Variants in SGSM2 observed in about 807,000 individuals in gnomAD.
The protein encoded by SGSM2 is small G protein signaling modulator 2.
SGSM2 carries 89 observed loss-of-function variants against 126.6 expected under a neutral mutation model. That is an observed-to-expected ratio of 0.70 (90% CI 0.59 to 0.84). The LOEUF is 0.84. SGSM2 is among the 40% of genes least tolerant of loss of function. SGSM2 has a pLI of 0.00. For synonymous variants in SGSM2, 614 were observed against 574.3 expected, an observed-to-expected ratio of 1.07 and a Z score of -0.99; for missense variants, 1,404 against 1,416.6, an observed-to-expected ratio of 0.99 and a Z score of 0.14.
At chr17:2,361,845 A>C in intron 3 of SGSM2, 46 bp downstream of exon 3, 1 of 1,546,028 alleles carries the variant, frequency 6.5e-7, no homozygotes, top group Non-Finnish European at 8.7e-7. Context: ...AGCTCTTCCC[A>C]CTTGGCAATT....
At chr17:2,340,398 G>A (rs181161322) in intron 1 of SGSM2, among the ~76,000 whole-genome samples, 51 of 152,014 alleles carry the variant, frequency 3.4e-4, no homozygotes, top group African/African-American at 1.1e-3. Context: ...CACTGCGACC[G>A]CCAGGAAATA....
chr17:2,377,102 A>G, intron 21 of SGSM2, 34 bp downstream of exon 21: 1 of 1,419,774 alleles, frequency 7.0e-7, no homozygotes, highest in Non-Finnish European at 9.9e-7. Flanking sequence ...GCATGGGAGC[A>G]GGCAGTGCTG....
At chr17:2,349,010 C>T (rs1451936018) in intron 2 of SGSM2, among the ~76,000 whole-genome samples, 8 of 151,928 alleles carry the variant, frequency 5.3e-5, no homozygotes, top group East Asian at 2.0e-4. Context: ...GTGATCTACC[C>T]GCCTCGGCCT....
rs1321520320 is a variant in SGSM2, at chr17:2,380,249, TTGCGTTC to T, written c.*733_*739del. Reference sequence around the variant, plus strand: ...CAGCCTCGCTCCTGCCACCCCACCCTTGCGTTCTGCATTAGGTACTTCCCTGAAAACC... The same window carrying T: ...CAGCCTCGCTCCTGCCACCCCACCCTTGCATTAGGTACTTCCCTGAAAACC... On this transcript the variant is annotated 3_prime_UTR_variant, in exon 24 of 24. Coordinates refer to ENST00000268989, the MANE Select transcript of SGSM2 (RefSeq NM_014853.3). 2.0e-6 allele frequency: 3 copies of T among 1,535,788 alleles called. No homozygotes were observed. The Admixed American group carries it at 5.9e-5, about 30-fold the overall frequency.
At chr17:2,350,295 G>A (rs1567807713) in intron 2 of SGSM2, among the ~76,000 whole-genome samples, 1 of 151,854 alleles carries the variant, frequency 6.6e-6, no homozygotes, top group Non-Finnish European at 1.5e-5. Context: ...AGAGAAGTTT[G>A]CTGGAGGAGC....
At chr17:2,369,574 T>C (rs2065765976) in intron 12 of SGSM2, among the ~76,000 whole-genome samples, 2 of 152,186 alleles carry the variant, frequency 1.3e-5, no homozygotes, top group African/African-American at 2.4e-5. Flanking sequence ...AGTGTTCGAA[T>C]GTGGCTGGTT....
intron 11 of SGSM2, chr17:2,366,872 G>C (rs756279207): frequency 1.2e-5 from 2 of 168,782 alleles, no homozygotes; most frequent in African/African-American, 2.4e-5. Flanking sequence ...GTAATCTTCA[G>C]ATTTGGTCCA....
intron 2 of SGSM2, among the ~76,000 whole-genome samples, chr17:2,359,788 A>ACC (rs1233136168): frequency 5.3e-5 from 8 of 152,114 alleles, no homozygotes; most frequent in African/African-American, 1.9e-4. Flanking sequence ...CCACTGAGGC[A>ACC]TGTGATCCGT....
Position 2,376,253 on chromosome 17 carries a change from CAT to C in SGSM2, c.2602_2603del (p.Met868ValfsTer30). The C allele has an allele frequency of 6.2e-7, 1 of 1,613,198 alleles. No individual in the cohort carries two copies. ...PPNLERLRDV[M>X]CSYVWEHLDV... ...CCAACCTCGAGAGGCTCAGAGACGTCATGTGCAGGTGCCTTGTGGGGCGGGGC... is the reference window on the plus strand; with the variant it reads ...CCAACCTCGAGAGGCTCAGAGACGTCGTGCAGGTGCCTTGTGGGGCGGGGC... On this transcript the variant is annotated frameshift_variant, in exon 19 of 24. Transcript: ENST00000268989. LOFTEE classifies it high-confidence loss of function.
chr17:2,361,537 C>T, intron 2 of SGSM2, 100 bp from the exon 3 acceptor site: 3 of 1,459,480 alleles, frequency 2.1e-6, no homozygotes, highest in Non-Finnish European at 2.8e-6. Context: ...CCTTGGCTTG[C>T]CCTTACCCCT....
intron 19 of SGSM2, 37 bp downstream of exon 19, chr17:2,376,298 A>T (rs200952978): frequency 6.3e-7 from 1 of 1,579,224 alleles, no homozygotes; most frequent in Admixed American, 1.8e-5. Flanking sequence ...GGGAGGCGGG[A>T]CCCTGCCGCC....
Position 2,378,995 on chromosome 17 carries a change from G to T in SGSM2, c.2900-41G>T, listed in dbSNP as rs201585190. On this transcript the variant is annotated intron_variant, in intron 22 of 23. Transcript: ENST00000268989. ...CAATCCCAGCCTCAGCCCCAGATAT[G>T]CGGCTAGGACGGGTGAGCAGCAGCC... is the stretch of plus-strand genomic sequence containing the variant. The T allele has an allele frequency of 7.3e-5, 116 of 1,588,116 alleles. No individual in the cohort carries two copies. The African/African-American group carries it at 1.3e-3, about 18-fold the overall frequency.
At position 2,379,551 on chromosome 17, in the gene SGSM2, G is replaced by A. The variant is rs1333690199; in HGVS notation, c.*31G>A. 1 of 1,599,128 alleles carries A rather than the reference G, an allele frequency of 6.3e-7. No individual in the cohort carries two copies. The highest frequency in any genetic ancestry group is 1.7e-5 in the Admixed American group (1 of 59,538). On this transcript the variant is annotated 3_prime_UTR_variant, in exon 24 of 24. Transcript: ENST00000268989. ...GGCCAGGAGGCAGCAGCCGTGCAGAGCCTGGGCTCCGGCAGGGAGAGGTGC... is the reference window on the plus strand; with the variant it reads ...GGCCAGGAGGCAGCAGCCGTGCAGAACCTGGGCTCCGGCAGGGAGAGGTGC...
At chr17:2,340,275 C>T (rs899837484) in intron 1 of SGSM2, among the ~76,000 whole-genome samples, 15 of 152,014 alleles carry the variant, frequency 9.9e-5, no homozygotes, top group African/African-American at 3.6e-4. Flanking sequence ...CCACCACACC[C>T]AGCTAATTTT....
intron 12 of SGSM2, among the ~76,000 whole-genome samples, chr17:2,370,270 C>G (rs925892571): frequency 1.3e-5 from 2 of 152,270 alleles, no homozygotes. Context: ...TCCACTTCCT[C>G]TCTCACTTTG....
chr17:2,343,455 C>A, intron 1 of SGSM2, 90 bp from the exon 2 acceptor site: 1 of 1,324,488 alleles, frequency 7.6e-7, no homozygotes, highest in Non-Finnish European at 1.1e-6. Flanking sequence ...GCCCTTCAGA[C>A]CAGAAGGGCG....
chr17:2,376,966 G>A lies in SGSM2; in HGVS notation c.2700G>A (p.Leu900=), dbSNP rs749518219. Residue 900 remains leucine, a synonymous_variant, in exon 21 of 24, where the codon CTG becomes CTA. Transcript: ENST00000268989. ...ACTCCTGTCTCCCCTCAGATCAGCT[G>A]GCCTACAGCTGCTTCAGCCACCTCA... The part of the protein sequence containing the change: ...PLLVTLDNDQ[L]AYSCFSHLMK... The A allele has an allele frequency of 6.2e-7, 1 of 1,613,270 alleles. No homozygotes were observed. The highest frequency in any genetic ancestry group is 8.5e-7 in the Non-Finnish European group (1 of 1,179,518).
chr17:2,372,243 C>G lies in SGSM2; in HGVS notation c.1631C>G (p.Ala544Gly). 3 of 1,613,100 alleles carry G rather than the reference C, an allele frequency of 1.9e-6. No homozygotes were observed. The highest frequency in any genetic ancestry group is 2.5e-6 in the Non-Finnish European group (3 of 1,179,688). ...ATGAAGAGGCAGATCGTGTCCCGGG[C>G]CTTCTACGGCTGTGAGTGTGGGGCG... ...ESMKRQIVSR[A>G]FYGWLAHCRH... Residue 544 changes from alanine (A) to glycine (G), a missense_variant, in exon 14 of 24, where the codon GCC becomes GGC. By Grantham distance (60) the Ala-to-Gly change is moderately conservative. Transcript: ENST00000268989. This position sits in a 1 kb window ranked among gnomAD's most constrained non-coding sequence, Gnocchi z 6.0.
intron 2 of SGSM2, among the ~76,000 whole-genome samples, chr17:2,354,010 C>A (rs189943455): frequency 2.0e-5 from 3 of 152,188 alleles, no homozygotes; most frequent in African/African-American, 7.2e-5. Context: ...TGGGCTCAAG[C>A]AATCCTCCCA....
Sources: gnomAD v4.1 joint callset for allele counts (sites outside exome capture counted in the v4.1 genomes callset) on GRCh38, gnomAD v4.1.1 for gene constraint, Gnocchi (gnomAD v3.1) non-coding constraint, MANE v1.5 for transcripts, NCBI Gene and HGNC (gene_info 2026-07-23, HGNC 2026-07-21) for gene names.